Variants in BRSK2 observed in about 807,000 individuals in gnomAD.
BRSK2 encodes BR serine/threonine kinase 2.
A neutral mutation model predicts 83.3 loss-of-function variants in BRSK2; 19 were observed. That is an observed-to-expected ratio of 0.23 (90% CI 0.16 to 0.33). BRSK2 has a LOEUF of 0.33. BRSK2 is among the 10% of genes least tolerant of loss of function. BRSK2 has a pLI of 1.00. For synonymous variants in BRSK2, 519 were observed against 435.4 expected (o/e 1.19, Z -2.39); for missense variants, 798 against 1,042.3 (o/e 0.77, Z 3.23).
intron 5 of BRSK2, 73 bp downstream of exon 5, chr11:1,442,679 G>C (rs1450874754): frequency 1.4e-5 from 18 of 1,292,560 alleles, no homozygotes; most frequent in Non-Finnish European, 2.0e-5. Context: ...AGTGGACTGA[G>C]AGGCCCCCAG....
At chr11:1,392,791 A>G (rs954651114) in intron 1 of BRSK2, among the ~76,000 whole-genome samples, 1 of 152,080 alleles carries the variant, frequency 6.6e-6, no homozygotes, top group Non-Finnish European at 1.5e-5. Context: ...CCTGTACGGC[A>G]CCTCCCTGTC....
intron 14 of BRSK2, 64 bp downstream of exon 14, chr11:1,450,858 G>GCCCCGCCCGTC: frequency 6.9e-7 from 1 of 1,451,470 alleles, no homozygotes; most frequent in Non-Finnish European, 9.2e-7. Flanking sequence ...CTTGGGGAGG[G>GCCCCGCCCGTC]CCCCGCCCGG....
chr11:1,460,118 G>A (rs1261555887), intron 19 of BRSK2, among the ~76,000 whole-genome samples: 8 of 151,638 alleles, frequency 5.3e-5, no homozygotes, highest in South Asian at 4.2e-4. Flanking sequence ...AGGGCCTTCC[G>A]GGCCAGGCCT....
intron 1 of BRSK2, chr11:1,410,404 C>G (rs1045973655): frequency 4.1e-6 from 4 of 977,198 alleles, no homozygotes; most frequent in Admixed American, 6.2e-5. Context: ...GGGTTTGTGA[C>G]GTCGGCCTCG....
intron 10 of BRSK2, 49 bp downstream of exon 10, chr11:1,445,507 C>T (rs753292827): frequency 1.1e-5 from 18 of 1,606,070 alleles, no homozygotes; most frequent in Admixed American, 8.5e-5. Flanking sequence ...GAGGTGGGAG[C>T]GCTGCCCCGG....
At chr11:1,445,143 G>C (rs1039384985) in intron 9 of BRSK2, 141 bp downstream of exon 9, 1 of 1,470,890 alleles carries the variant, frequency 6.8e-7, no homozygotes, top group Non-Finnish European at 9.4e-7. Context: ...CGCTGGGTGC[G>C]GGGTGCGGGC....
rs776705914 is a variant in BRSK2 at position 1,445,278 on chromosome 11, C to G, written c.813-16C>G. The G allele has an allele frequency of 1.3e-5, 20 of 1,597,046 alleles. No individual in the cohort carries two copies. Among genetic ancestry groups the G allele is most frequent in the Non-Finnish European group, 1.6e-5 (19 of 1,170,850 alleles). On this transcript the variant is annotated splice_polypyrimidine_tract_variant and intron_variant, in intron 9 of 19. Transcript: ENST00000528841. Reference sequence around the variant, plus strand: ...GGCCGGAGCTGATGAGCGGGTGGCCCGTCCTGTGTCCACAGAGGGGGCAAG... The same window carrying G: ...GGCCGGAGCTGATGAGCGGGTGGCCGGTCCTGTGTCCACAGAGGGGGCAAG...
intron 1 of BRSK2, among the ~76,000 whole-genome samples, chr11:1,415,768 ACGG>A (rs1170892753): frequency 2.0e-5 from 3 of 152,018 alleles, no homozygotes; most frequent in South Asian, 2.1e-4. Context: ...CACTGCCCAC[ACGG>A]TGGTCCCAGC....
At chr11:1,417,231 G>A (rs1162757541) in intron 1 of BRSK2, among the ~76,000 whole-genome samples, 2 of 152,200 alleles carry the variant, frequency 1.3e-5, no homozygotes, top group African/African-American at 4.8e-5. Flanking sequence ...CTGGGAACAA[G>A]TGCCTTAGAC....
At position 1,423,762 on chromosome 11, in the gene BRSK2, AGGCCTCCCCCGCTGGGCG is replaced by A. The variant is rs1848880189; in HGVS notation, c.92-12277_92-12260del. 5.9e-5 allele frequency among the ~76,000 whole-genome samples: 8 copies of A among 135,048 alleles called. No homozygotes were observed. Among genetic ancestry groups the A allele is most frequent in the African/African-American group, 2.0e-4 (7 of 35,398 alleles). 88.6% of individuals were successfully genotyped at this position (135,048 alleles called of 152,430 possible). On this transcript the variant is annotated intron_variant, in intron 1 of 19. Transcript: ENST00000528841. This position sits in a 1 kb window ranked among gnomAD's most constrained non-coding sequence, Gnocchi z 6.5. ...CCCCGCTGGGCGTTCCGGGTGCCCC[AGGCCTCCCCCGCTGGGCG>A]TTCCGGGTGCCCCAGGCCTCCCCCG...
intron 15 of BRSK2, among the ~76,000 whole-genome samples, chr11:1,452,976 G>A (rs1044477195): frequency 4.6e-5 from 7 of 152,220 alleles, no homozygotes; most frequent in African/African-American, 1.4e-4. Flanking sequence ...GGATGCATGC[G>A]GTTGTCTGGG....
In BRSK2 at chr11:1,445,075, C is replaced by CG. The variant is rs1412200924; in HGVS notation, c.812+79dup. 3.8e-6 allele frequency: 6 copies of CG among 1,573,802 alleles called. No individual in the cohort carries two copies. The East Asian group carries it at 6.7e-5, about 18-fold the overall frequency. ...GGCCTGGAGGCCCTGCTAGGAAAGG[C>CG]GGGGGGAGGGCGCCGGCCCAGCGCA... On this transcript the variant is annotated intron_variant, in intron 9 of 19. Coordinates refer to ENST00000528841, the MANE Select transcript of BRSK2 (RefSeq NM_001256627.2).
chr11:1,433,729 C>T (rs565676035), intron 1 of BRSK2, among the ~76,000 whole-genome samples: 6 of 152,360 alleles, frequency 3.9e-5, no homozygotes, highest in African/African-American at 1.2e-4. Flanking sequence ...AGTGCTCCTC[C>T]GGCTGAGCGA....
chr11:1,413,512 CCTT>C (rs937138154), intron 1 of BRSK2, among the ~76,000 whole-genome samples: 1 of 152,216 alleles, frequency 6.6e-6, no homozygotes, highest in Non-Finnish European at 1.5e-5. Flanking sequence ...TGTGCCCTGA[CCTT>C]CTGCCCTGGG....
At chr11:1,411,129 C>CA in intron 1 of BRSK2, 2 of 1,209,758 alleles carry the variant, frequency 1.7e-6, no homozygotes, top group Non-Finnish European at 2.1e-6. Flanking sequence ...TGGGGATCCT[C>CA]AGGGGCCTAG....
At chr11:1,407,420 T>C (rs1399925422) in intron 1 of BRSK2, among the ~76,000 whole-genome samples, 2 of 152,132 alleles carry the variant, frequency 1.3e-5, no homozygotes, top group African/African-American at 4.8e-5. Flanking sequence ...ATCGGACCCT[T>C]GGCCACAGTG....
At chr11:1,447,920 C>T in intron 12 of BRSK2, 1 of 1,511,548 alleles carries the variant, frequency 6.6e-7, no homozygotes, top group Non-Finnish European at 9.0e-7. Context: ...GCTGTCCTGC[C>T]TCAGGCCGGG....
At chr11:1,443,080 C>T (rs1478023040) in intron 5 of BRSK2, 26 bp from the exon 6 acceptor site, 31 of 1,530,700 alleles carry the variant, frequency 2.0e-5, no homozygotes, top group Non-Finnish European at 2.6e-5. Flanking sequence ...CGGAGCCCCG[C>T]CGCTGACCTC....
intron 1 of BRSK2, among the ~76,000 whole-genome samples, chr11:1,428,508 C>T (rs1849512090): frequency 6.6e-6 from 1 of 152,240 alleles, no homozygotes; most frequent in Non-Finnish European, 1.5e-5. Flanking sequence ...AGGGGCCCCA[C>T]TCAAAGCAGC....
Sources: allele counts gnomAD v4.1 joint callset (sites outside exome capture counted in the v4.1 genomes callset), GRCh38; gene constraint gnomAD v4.1.1; non-coding constraint Gnocchi (gnomAD v3.1); transcripts MANE v1.5; gene names NCBI Gene and HGNC (gene_info 2026-07-23, HGNC 2026-07-21).